ADAM10: variants seen among roughly 807,000 people sequenced by gnomAD.
ADAM10 encodes the protein disintegrin and metalloproteinase domain-containing protein 10.
Under a neutral mutation model 90.1 loss-of-function variants are expected in ADAM10, and 17 were observed. The ratio of observed to expected loss-of-function variants is 0.19; its 90% CI spans 0.13 to 0.28. The LOEUF is 0.28. Ranked by LOEUF, ADAM10 falls within the 10% of genes least tolerant of loss-of-function variation. The pLI, the probability that ADAM10 is intolerant of heterozygous loss-of-function variation, is 1.00. For synonymous variants in ADAM10, 310 were observed against 298.6 expected (o/e 1.04, Z -0.40); for missense variants, 610 against 914.3 (o/e 0.67, Z 4.29).
intron 4 of ADAM10, among the ~76,000 whole-genome samples, chr15:58,675,186 A>G (rs1044991850): frequency 6.6e-6 from 1 of 152,234 alleles, no homozygotes; most frequent in Non-Finnish European, 1.5e-5. Flanking sequence ...CGACGGAGGT[A>G]TAGGCAAATT....
intron 14 of ADAM10, chr15:58,609,709 T>C (rs548062511): frequency 5.1e-4 from 79 of 155,036 alleles, no homozygotes; most frequent in East Asian, 9.5e-4. Context: ...ATAGTCAATC[T>C]TGACAATCTT....
chr15:58,632,487 T>C (rs1354621559), intron 9 of ADAM10, among the ~76,000 whole-genome samples: 1 of 152,204 alleles, frequency 6.6e-6, no homozygotes, highest in African/African-American at 2.4e-5. Flanking sequence ...AGAATGGCTT[T>C]TCCATATTTA....
intron 2 of ADAM10, among the ~76,000 whole-genome samples, chr15:58,708,764 G>A (rs1898382551): frequency 6.6e-6 from 1 of 152,102 alleles, no homozygotes. Flanking sequence ...TTGACTTGTT[G>A]GTTCAATATA....
rs1894871358 is a variant in ADAM10, at chr15:58,593,292, G to T, written c.*4255C>A. ...CCTCCTGGGTTCAAGCAAATCTCCT[G>T]CCTCTGCCTCCCGGGTTCAAGCAAA... On this transcript the variant is annotated 3_prime_UTR_variant, in exon 16 of 16. Transcript: ENST00000260408. 1 of 149,108 alleles carries T rather than the reference G, an allele frequency of 6.7e-6. No homozygotes were observed. The highest frequency in any genetic ancestry group is 2.2e-4 in the South Asian group (1 of 4,626). 9.2% of individuals were successfully genotyped at this position (149,108 alleles called of 1,614,324 possible). A position where few individuals can be genotyped will look rare whatever the true frequency, so the allele number is the denominator to read the frequency against.
At chr15:58,700,584 C>T (rs1351050182) in intron 2 of ADAM10, among the ~76,000 whole-genome samples, 1 of 152,016 alleles carries the variant, frequency 6.6e-6, no homozygotes, top group Non-Finnish European at 1.5e-5. Flanking sequence ...AAAAGCACTG[C>T]TTACAGGGAA....
intron 5 of ADAM10, among the ~76,000 whole-genome samples, chr15:58,656,199 C>T (rs1236632665): frequency 6.6e-6 from 1 of 152,114 alleles, no homozygotes; most frequent in Non-Finnish European, 1.5e-5. Context: ...CTATGTGTAT[C>T]TTTACAGGTA....
intron 2 of ADAM10, among the ~76,000 whole-genome samples, chr15:58,687,992 A>C (rs1596069010): frequency 6.6e-6 from 1 of 152,222 alleles, no homozygotes; most frequent in East Asian, 1.9e-4. Flanking sequence ...TAATTACACA[A>C]GACTACCCAT....
At chr15:58,686,202 T>G (rs1897597560) in intron 2 of ADAM10, among the ~76,000 whole-genome samples, 1 of 152,226 alleles carries the variant, frequency 6.6e-6, no homozygotes, top group South Asian at 2.1e-4. Context: ...AGCTGTTAGT[T>G]GACCAATTAC....
chr15:58,705,198 T>C (rs1898243928), intron 2 of ADAM10, among the ~76,000 whole-genome samples: 1 of 152,236 alleles, frequency 6.6e-6, no homozygotes, highest in South Asian at 2.1e-4. Flanking sequence ...TATTTTATAA[T>C]ATACTACACC....
chr15:58,603,831 A>G (rs548525416), intron 14 of ADAM10, among the ~76,000 whole-genome samples: 1 of 151,126 alleles, frequency 6.6e-6, no homozygotes, highest in East Asian at 1.9e-4. Flanking sequence ...ACAGTTTCGA[A>G]GAATACACAA....
At chr15:58,643,414 CAAG>C (rs1288969109) in intron 7 of ADAM10, among the ~76,000 whole-genome samples, 2 of 152,100 alleles carry the variant, frequency 1.3e-5, no homozygotes, top group Non-Finnish European at 2.9e-5. Flanking sequence ...TGTGAATTTT[CAAG>C]AAGATTATAG....
intron 1 of ADAM10, among the ~76,000 whole-genome samples, chr15:58,727,643 A>T (rs1899086245): frequency 6.6e-6 from 1 of 152,186 alleles, no homozygotes; most frequent in African/African-American, 2.4e-5. Context: ...GTTATTTTTT[A>T]AAAAAGGAAA....
In ADAM10 at chr15:58,655,709, T is replaced by G. The variant is rs1324434130; in HGVS notation, c.585+9388A>C. On this transcript the variant is annotated intron_variant, in intron 5 of 15. Transcript: ENST00000260408. ...ATATTATATATAGTATATATATATA[T>G]AGTATATATATATATATATATATAT... is the stretch of plus-strand genomic sequence containing the variant. Among the ~76,000 whole-genome samples the G allele has an allele frequency of 7.7e-5, 3 of 39,122 alleles. 1 individual carries two copies. Among genetic ancestry groups the G allele is most frequent in the Non-Finnish European group, 1.1e-4 (3 of 27,546 alleles). 25.7% of individuals were successfully genotyped at this position (39,122 alleles called of 152,430 possible). A position where few individuals can be genotyped will look rare whatever the true frequency, so the allele number is the denominator to read the frequency against.
At chr15:58,612,771 C>T (rs1248724937) in intron 11 of ADAM10, among the ~76,000 whole-genome samples, 1 of 152,230 alleles carries the variant, frequency 6.6e-6, no homozygotes, top group African/African-American at 2.4e-5. Context: ...ACCCTGCCCA[C>T]AAAGTGTATA....
chr15:58,620,558 T>C (rs1347088522), intron 11 of ADAM10, among the ~76,000 whole-genome samples: 1 of 152,162 alleles, frequency 6.6e-6, no homozygotes, highest in African/African-American at 2.4e-5. Context: ...CTTGCCAAGT[T>C]AGAAAAGTAA....
Position 58,657,211 on chromosome 15 carries a change from C to A in ADAM10, c.585+7886G>T, listed in dbSNP as rs542299688. Among the ~76,000 whole-genome samples the A allele has an allele frequency of 1.7e-4, 26 of 152,288 alleles. No individual in the cohort carries two copies. In the East Asian group the frequency reaches 5.0e-3, roughly 29 times the overall value. On this transcript the variant is annotated intron_variant, in intron 5 of 15. Transcript: ENST00000260408. Reference sequence around the variant, plus strand: ...CGCTTGGTGCTTCATAACCTTCTTACACTTGAATGTTGATATCTTTTTCTA... The same window carrying A: ...CGCTTGGTGCTTCATAACCTTCTTAAACTTGAATGTTGATATCTTTTTCTA...
At chr15:58,630,371 A>T (rs1287311905) in intron 9 of ADAM10, among the ~76,000 whole-genome samples, 1 of 152,250 alleles carries the variant, frequency 6.6e-6, no homozygotes, top group African/African-American at 2.4e-5. Flanking sequence ...TCTGTGAATT[A>T]ATTTGACAGA....
At chr15:58,680,924 C>G (rs1402381932) in intron 3 of ADAM10, among the ~76,000 whole-genome samples, 1 of 152,122 alleles carries the variant, frequency 6.6e-6, no homozygotes, top group African/African-American at 2.4e-5. Context: ...GCTCAGCAAT[C>G]CTCCCACGTC....
At chr15:58,664,572 G>GT (rs1450832429) in intron 5 of ADAM10, among the ~76,000 whole-genome samples, 8 of 151,832 alleles carry the variant, frequency 5.3e-5, no homozygotes, top group African/African-American at 1.9e-4. Context: ...TATGATAAAT[G>GT]TTTTATCATA....
Sources: allele counts gnomAD v4.1 joint callset (sites outside exome capture counted in the v4.1 genomes callset), GRCh38; gene constraint gnomAD v4.1.1; transcripts MANE v1.5; gene names NCBI Gene and HGNC (gene_info 2026-07-23, HGNC 2026-07-21).